Variants in SUPT20H observed in about 807,000 individuals in gnomAD.
The protein encoded by SUPT20H is SPT20 homolog, SAGA complex component.
A neutral mutation model predicts 122.8 loss-of-function variants in SUPT20H; 82 were observed. The ratio of observed to expected loss-of-function variants is 0.67; its 90% CI spans 0.56 to 0.80. SUPT20H has a LOEUF of 0.80. Among genes scored for constraint, SUPT20H ranks in the 30% least tolerant of loss-of-function variants. The pLI, the probability that SUPT20H is intolerant of heterozygous loss-of-function variation, is 0.00. For synonymous variants in SUPT20H, 291 were observed against 313.0 expected (o/e 0.93, Z 0.74); for missense variants, 831 against 921.6 (o/e 0.90, Z 1.27).
chr13:37,036,615 C>G (rs1254914095), intron 9 of SUPT20H, among the ~76,000 whole-genome samples: 1 of 151,994 alleles, frequency 6.6e-6, no homozygotes, highest in Admixed American at 6.6e-5. Context: ...CCACTGCGAC[C>G]AGCTAGGAGA....
chr13:37,018,316 A>G (rs915165034), intron 22 of SUPT20H, among the ~76,000 whole-genome samples: 3 of 152,252 alleles, frequency 2.0e-5, no homozygotes, highest in African/African-American at 7.2e-5. Flanking sequence ...AGAAAATTTC[A>G]AAAGCAATAT....
chr13:37,015,157 G>C, intron 23 of SUPT20H, among the ~76,000 whole-genome samples: 1 of 146,258 alleles, frequency 6.8e-6, no homozygotes, highest in Admixed American at 6.8e-5. Context: ...AAGAGAAAAT[G>C]AACTACATTA....
rs755965453 is a variant in SUPT20H, at chr13:37,044,174, C to T, written c.300G>A (p.Glu100=). 3 of 1,601,998 alleles carry T rather than the reference C, an allele frequency of 1.9e-6. No homozygotes were observed. The highest frequency in any genetic ancestry group is 2.3e-5 in the South Asian group (2 of 88,008). Residue 100 remains glutamate (E), a synonymous_variant, in exon 7 of 26, where the codon GAG becomes GAA. Transcript: ENST00000350612. ...MLRGKNGSDS[E]TIRLPYEEGE... is the part of the protein sequence containing the mutation. ...CTTCTTCATAGGGCAGTCGAATGGT[C>T]TCGGAATCTTAATTTAAAACATGAA...
At chr13:37,050,246 C>T (rs1264790006) in intron 2 of SUPT20H, among the ~76,000 whole-genome samples, 1 of 148,928 alleles carries the variant, frequency 6.7e-6, no homozygotes, top group African/African-American at 2.5e-5. Context: ...CTTGGCCAGG[C>T]ACTGTGGCAC....
At chr13:37,055,776 T>C (rs1396275459) in intron 1 of SUPT20H, among the ~76,000 whole-genome samples, 1 of 152,130 alleles carries the variant, frequency 6.6e-6, no homozygotes, top group African/African-American at 2.4e-5. Context: ...TGGGATCTAA[T>C]TAAACTAAAG....
intron 1 of SUPT20H, among the ~76,000 whole-genome samples, chr13:37,052,175 A>C (rs1374488309): frequency 6.6e-6 from 1 of 152,206 alleles, no homozygotes; most frequent in Non-Finnish European, 1.5e-5. Context: ...AAACTAGGAA[A>C]TACTACTTTA....
intron 17 of SUPT20H, 158 bp from the exon 18 acceptor site, chr13:37,024,600 G>A: frequency 6.7e-6 from 3 of 448,530 alleles, no homozygotes; most frequent in Non-Finnish European, 1.1e-5. Flanking sequence ...GTTACAGATT[G>A]AATACTATAT....
chr13:37,024,925 C>A, intron 17 of SUPT20H: 2 of 188,450 alleles, frequency 1.1e-5, no homozygotes, highest in Non-Finnish European at 1.1e-5. Context: ...TAAACTGTAC[C>A]CCCGCTCCTC....
At chr13:37,020,877 A>C (rs190084039) in intron 21 of SUPT20H, among the ~76,000 whole-genome samples, 4 of 152,374 alleles carry the variant, frequency 2.6e-5, no homozygotes, top group South Asian at 4.1e-4. Context: ...ACTCCTAAAT[A>C]AAAGAATGCT....
rs749904425 is a variant in SUPT20H, at chr13:37,028,317, A to T, written c.994-12T>A. On this transcript the variant is annotated splice_polypyrimidine_tract_variant and intron_variant, in intron 13 of 25. Coordinates refer to ENST00000350612, the MANE Select transcript of SUPT20H (RefSeq NM_001014286.3). ...TCATCTTTTACATCCTGAAAAATGC[A>T]TAGCACCTCAAATAAATACCTTCAC... is the stretch of plus-strand genomic sequence containing the variant. The T allele has an allele frequency of 1.9e-6, 3 of 1,600,406 alleles. No individual in the cohort carries two copies. Among genetic ancestry groups the T allele is most frequent in the Non-Finnish European group, 2.6e-6 (3 of 1,175,254 alleles).
At chr13:37,056,289 C>T (rs1050592597) in intron 1 of SUPT20H, among the ~76,000 whole-genome samples, 3 of 152,186 alleles carry the variant, frequency 2.0e-5, no homozygotes, top group African/African-American at 7.2e-5. Flanking sequence ...GATTATAAAA[C>T]ATGTTGCTAT....
intron 23 of SUPT20H, 62 bp downstream of exon 23, chr13:37,017,183 A>G: frequency 6.2e-7 from 1 of 1,609,542 alleles, no homozygotes; most frequent in Non-Finnish European, 8.5e-7. Context: ...GTATGCTTGG[A>G]ATATACCAAA....
chr13:37,009,590 A>G lies in SUPT20H; in HGVS notation c.*82T>C. 6.4e-7 allele frequency: 1 copy of G among 1,558,304 alleles called. No homozygotes were observed. On this transcript the variant is annotated 3_prime_UTR_variant, in exon 26 of 26. Coordinates refer to ENST00000350612, the MANE Select transcript of SUPT20H (RefSeq NM_001014286.3). ...AGCAATGTAAAATACTGACACATTA[A>G]AAAAAACAAAAAGTAGAAACTCAAT... is the stretch of plus-strand genomic sequence containing the variant.
intron 1 of SUPT20H, chr13:37,059,358 A>G (rs908546417): frequency 6.6e-6 from 1 of 152,226 alleles, no homozygotes. Flanking sequence ...CGGCTTAGCA[A>G]CACCGCGAAA....
chr13:37,037,097 C>T (rs566657812), intron 9 of SUPT20H, among the ~76,000 whole-genome samples: 189 of 150,538 alleles, frequency 1.3e-3, no homozygotes, highest in Non-Finnish European at 2.1e-3. Context: ...CTCAGGAGGC[C>T]GAGGTGGGAG....
At position 37,024,175 on chromosome 13, in the gene SUPT20H, TGTG is replaced by T. The variant is rs1022401255; in HGVS notation, c.1448_1450del (p.Pro483del). On this transcript the variant is annotated inframe_deletion, in exon 19 of 26. Coordinates refer to ENST00000350612, the MANE Select transcript of SUPT20H (RefSeq NM_001014286.3). ...AGATTTGAGAAAGCTGCTTGTCTGT[TGTG>T]GTGTAAAATAGTTACCTAGAAGAAC... The T allele has an allele frequency of 6.2e-7, 1 of 1,613,070 alleles. No homozygotes were observed. The highest frequency in any genetic ancestry group is 1.3e-5 in the African/African-American group (1 of 74,858).
At chr13:37,014,848 T>G (rs191180396) in intron 23 of SUPT20H, among the ~76,000 whole-genome samples, 96 of 152,110 alleles carry the variant, frequency 6.3e-4, no homozygotes, top group African/African-American at 2.0e-3. Context: ...ATTAAAAGGA[T>G]CCACAGGAAA....
chr13:37,024,842 C>A, intron 17 of SUPT20H: 1 of 167,366 alleles, frequency 6.0e-6, no homozygotes. Flanking sequence ...TTCCTTTTAT[C>A]TTTGTGTACA....
intron 9 of SUPT20H, 58 bp downstream of exon 9, chr13:37,040,347 A>G: frequency 1.4e-6 from 2 of 1,406,280 alleles, no homozygotes; most frequent in South Asian, 2.8e-5. Flanking sequence ...TTGCTTAATG[A>G]TAATTTTTTT....
Sources: allele counts gnomAD v4.1 joint callset (sites outside exome capture counted in the v4.1 genomes callset), GRCh38; gene constraint gnomAD v4.1.1; transcripts MANE v1.5; gene names NCBI Gene and HGNC (gene_info 2026-07-23, HGNC 2026-07-21).